Variants in SLC9D1 observed in about 807,000 individuals in gnomAD.
The protein encoded by SLC9D1 is solute carrier family 9 member D1, also known as putative LAG1-interacting protein.
chr13:113,500,666 C>T, the SLC9D1 span, among the ~76,000 whole-genome samples: 3 of 152,192 alleles, frequency 2.0e-5, no homozygotes, highest in African/African-American at 7.2e-5. Context: ...TTCGGGTGGT[C>T]ACTCAGGAGG....
At chr13:113,494,656 A>G in the SLC9D1 span, among the ~76,000 whole-genome samples, 1 of 72,782 alleles carries the variant, frequency 1.4e-5, no homozygotes, top group African/African-American at 8.5e-5. Context: ...GTATTGTGGC[A>G]TATATATATA....
At chr13:113,514,718 T>C in the SLC9D1 span, among the ~76,000 whole-genome samples, 1 of 150,140 alleles carries the variant, frequency 6.7e-6, no homozygotes, top group Admixed American at 6.6e-5. Flanking sequence ...CCACACGAGC[T>C]TGCTGCCAAG....
At chr13:113,503,571 C>A in the SLC9D1 span, 1 of 1,612,948 alleles carries the variant, frequency 6.2e-7, no homozygotes, top group South Asian at 1.1e-5. Context: ...AGAATTTTCT[C>A]CAGAAAAGCT....
chr13:113,545,812 G>C, the SLC9D1 span: 1 of 152,742 alleles, frequency 6.5e-6, no homozygotes, highest in Non-Finnish European at 1.5e-5. Flanking sequence ...ATCAGCGACT[G>C]GCCGGGGTGA....
the SLC9D1 span, among the ~76,000 whole-genome samples, chr13:113,497,092 CAGACCTGCAGCTGTGTGAT>C: frequency 3.3e-5 from 5 of 150,092 alleles, no homozygotes; most frequent in African/African-American, 4.9e-5. Flanking sequence ...AGCTGTGTGT[CAGACCTGCAGCTGTGTGAT>C]AGACCTGCAG....
the SLC9D1 span, among the ~76,000 whole-genome samples, chr13:113,515,759 C>T: frequency 6.6e-6 from 1 of 151,584 alleles, no homozygotes; most frequent in African/African-American, 2.4e-5. Context: ...GGCATGGTGG[C>T]GGGCGCCTGT....
the SLC9D1 span, among the ~76,000 whole-genome samples, chr13:113,518,043 T>C: frequency 1.3e-5 from 2 of 152,240 alleles, no homozygotes; most frequent in Non-Finnish European, 2.9e-5. Flanking sequence ...ATATTTAAAC[T>C]GTTTAATAAA....
chr13:113,520,571 T>G, the SLC9D1 span: 5 of 1,413,548 alleles, frequency 3.5e-6, no homozygotes, highest in East Asian at 1.2e-4. Flanking sequence ...CTTTGGATAC[T>G]TTTGAGTTGT....
At chr13:113,495,348 C>G in the SLC9D1 span, among the ~76,000 whole-genome samples, 1 of 152,200 alleles carries the variant, frequency 6.6e-6, no homozygotes, top group Non-Finnish European at 1.5e-5. Context: ...TGATTTTAAT[C>G]TCAGTGAAAT....
At chr13:113,547,135 A>G in the SLC9D1 span, 1 of 629,260 alleles carries the variant, frequency 1.6e-6, no homozygotes, top group African/African-American at 1.8e-5. Context: ...CGCTCAGGAA[A>G]GGGGCGGCTT....
the SLC9D1 span, among the ~76,000 whole-genome samples, chr13:113,525,852 A>G: frequency 2.7e-5 from 4 of 149,958 alleles, no homozygotes; most frequent in African/African-American, 5.0e-5. Flanking sequence ...ATTCTAGAAC[A>G]AGCCATCGTC....
chr13:113,522,618 G>A, the SLC9D1 span, among the ~76,000 whole-genome samples: 1 of 152,106 alleles, frequency 6.6e-6, no homozygotes, highest in Non-Finnish European at 1.5e-5. Context: ...GGGATTATAG[G>A]CGTGAGCAAC....
At chr13:113,491,736 G>C in the SLC9D1 span, among the ~76,000 whole-genome samples, 2 of 152,176 alleles carry the variant, frequency 1.3e-5, no homozygotes, top group Non-Finnish European at 2.9e-5. Flanking sequence ...GGCCTCCAGG[G>C]CCGGCCGCAG....
At chr13:113,505,027 G>A in the SLC9D1 span, 1 of 152,010 alleles carries the variant, frequency 6.6e-6, no homozygotes, top group African/African-American at 2.4e-5. Flanking sequence ...ATTGCATTGT[G>A]GTTTTGATTT....
the SLC9D1 span, among the ~76,000 whole-genome samples, chr13:113,533,852 C>T: frequency 4.6e-5 from 7 of 152,226 alleles, no homozygotes; most frequent in Middle Eastern, 3.2e-3. Flanking sequence ...GCAGCTTCCA[C>T]CTTTGGCTCA....
chr13:113,539,286 G>T, the SLC9D1 span: 1 of 1,471,368 alleles, frequency 6.8e-7, no homozygotes, highest in Non-Finnish European at 9.3e-7. The surrounding 1 kb of genome is among the most constrained non-coding windows in gnomAD (Gnocchi z 4.8). Flanking sequence ...GGGTCTCGGG[G>T]TGGCCTTGGG....
At chr13:113,497,861 C>T in the SLC9D1 span, among the ~76,000 whole-genome samples, 1 of 152,162 alleles carries the variant, frequency 6.6e-6, no homozygotes, top group Non-Finnish European at 1.5e-5. Flanking sequence ...ATTATATTGC[C>T]AGCATCATCC....
chr13:113,501,753 ACATTGTTAC>A, the SLC9D1 span: 2 of 1,607,686 alleles, frequency 1.2e-6, no homozygotes, highest in Non-Finnish European at 1.7e-6. Flanking sequence ...ATTCTTCAGG[ACATTGTTAC>A]CATAGGAATG....
At chr13:113,518,774 C>T in the SLC9D1 span, among the ~76,000 whole-genome samples, 2 of 152,334 alleles carry the variant, frequency 1.3e-5, no homozygotes, top group Non-Finnish European at 2.9e-5. Flanking sequence ...TCTCCTGAAT[C>T]GTGTAACCCT....
Sources: allele counts gnomAD v4.1 joint callset (sites outside exome capture counted in the v4.1 genomes callset), GRCh38; gene constraint gnomAD v4.1.1; non-coding constraint Gnocchi (gnomAD v3.1); transcripts MANE v1.5; gene names NCBI Gene and HGNC (gene_info 2026-07-23, HGNC 2026-07-21).